The following CBFB variants were observed in gnomAD, a reference collection of about 807,000 sequenced individuals.
CBFB encodes the protein core-binding factor subunit beta.
A neutral mutation model predicts 30.4 loss-of-function variants in CBFB; 9 were observed. The ratio of observed to expected loss-of-function variants is 0.30; its 90% CI spans 0.18 to 0.52. The LOEUF (loss-of-function observed/expected upper bound fraction) is 0.52. Among genes scored for constraint, CBFB ranks in the 20% least tolerant of loss-of-function variants. The pLI is 0.97. For missense variants in CBFB, 170 were observed against 244.0 expected (o/e 0.70, Z 2.02); for synonymous variants, 94 against 84.0 (o/e 1.12, Z -0.65).
intron 5 of CBFB, among the ~76,000 whole-genome samples, chr16:67,097,913 C>G (rs541296148): frequency 6.6e-6 from 1 of 151,932 alleles, no homozygotes; most frequent in Admixed American, 6.6e-5. Context: ...CAGTCCAGCC[C>G]GGGCAACATA....
chr16:67,048,371 C>T (rs749192491), intron 3 of CBFB, among the ~76,000 whole-genome samples: 28 of 152,148 alleles, frequency 1.8e-4, no homozygotes, highest in Non-Finnish European at 3.8e-4. Context: ...AAAGAAAATT[C>T]AGGCAGTTGA....
chr16:67,099,531 G>C lies in CBFB; in HGVS notation c.*753G>C. 1 of 201,816 alleles carries C rather than the reference G, an allele frequency of 5.0e-6. No individual in the cohort carries two copies. The highest frequency in any genetic ancestry group is 1.0e-5 in the Non-Finnish European group (1 of 98,066). 12.5% of individuals were successfully genotyped at this position (201,816 alleles called of 1,614,324 possible). On this transcript the variant is annotated 3_prime_UTR_variant, in exon 6 of 6. Transcript: ENST00000412916. ...AGCCTCCCAGAGTACTGGGATTACA[G>C]GCTCTTTCTTTTTAAACATAAAAGT... is the stretch of plus-strand genomic sequence containing the variant.
chr16:67,094,117 CTTTTTTTTTT>C (rs757109594), intron 5 of CBFB, among the ~76,000 whole-genome samples: 12 of 130,562 alleles, frequency 9.2e-5, no homozygotes, highest in Non-Finnish European at 1.3e-4. Flanking sequence ...CTTCCTCCCT[CTTTTTTTTTT>C]TTTTTTTTTT....
intron 4 of CBFB, among the ~76,000 whole-genome samples, chr16:67,081,466 A>G (rs1285305894): frequency 6.6e-6 from 1 of 151,706 alleles, no homozygotes; most frequent in Non-Finnish European, 1.5e-5. Context: ...TTTTTTTTTA[A>G]TGGTGTTGAT....
chr16:67,064,724 A>G (rs2145748238), intron 3 of CBFB, among the ~76,000 whole-genome samples: 1 of 152,346 alleles, frequency 6.6e-6, no homozygotes, highest in Non-Finnish European at 1.5e-5. Flanking sequence ...GTGATCAAAA[A>G]TGATCTAAAT....
rs774135271 is a variant in CBFB at position 67,100,438 on chromosome 16, G to A, written c.*1660G>A. 2 of 224,912 alleles carry A rather than the reference G, an allele frequency of 8.9e-6. No individual in the cohort carries two copies. The highest frequency in any genetic ancestry group is 2.2e-5 in the African/African-American group (1 of 44,848). The allele number at this position is 224,912 out of a possible 1,614,324, so 13.9% of individuals were successfully genotyped here. ...TTTAAATTGTTACAAACAATAATGC[G>A]TCATTAAAGGCCATGCTGATCTTGC... is the stretch of plus-strand genomic sequence containing the variant. On this transcript the variant is annotated 3_prime_UTR_variant, in exon 6 of 6. Coordinates refer to ENST00000412916, the MANE Select transcript of CBFB (RefSeq NM_022845.3).
chr16:67,045,744 A>G (rs1490641114), intron 3 of CBFB, among the ~76,000 whole-genome samples: 1 of 151,496 alleles, frequency 6.6e-6, no homozygotes, highest in Admixed American at 6.6e-5. Flanking sequence ...CAGAAATAAT[A>G]TGTCTGAGAA....
chr16:67,053,339 C>T (rs796194355), intron 3 of CBFB, among the ~76,000 whole-genome samples: 4 of 149,988 alleles, frequency 2.7e-5, no homozygotes, highest in African/African-American at 9.8e-5. Flanking sequence ...CTGCAAGCTC[C>T]GCCTCCTGGG....
At chr16:67,061,690 ATAT>A (rs1364897684) in intron 3 of CBFB, among the ~76,000 whole-genome samples, 2 of 152,190 alleles carry the variant, frequency 1.3e-5, no homozygotes, top group Non-Finnish European at 2.9e-5. Context: ...GATCATCTAA[ATAT>A]TATTTTTAAT....
chr16:67,082,159 T>C (rs963921786), intron 4 of CBFB, 54 bp from the exon 5 acceptor site: 2 of 1,365,102 alleles, frequency 1.5e-6, no homozygotes, highest in South Asian at 1.5e-5. Context: ...AACCCAAATA[T>C]TGTATTTTTT....
intron 2 of CBFB, among the ~76,000 whole-genome samples, chr16:67,031,597 G>A (rs568653397): frequency 6.6e-6 from 1 of 152,116 alleles, no homozygotes; most frequent in African/African-American, 2.4e-5. Context: ...TGCAACCTTC[G>A]CCTCCTGGGT....
intron 3 of CBFB, among the ~76,000 whole-genome samples, chr16:67,056,721 C>T (rs935691836): frequency 9.3e-5 from 14 of 149,734 alleles, no homozygotes; most frequent in Non-Finnish European, 1.8e-4. Flanking sequence ...CTCGCTCTGT[C>T]ACCAGGTTGG....
intron 4 of CBFB, among the ~76,000 whole-genome samples, chr16:67,074,530 G>A (rs1248969869): frequency 1.3e-5 from 2 of 151,770 alleles, no homozygotes; most frequent in African/African-American, 4.8e-5. Context: ...CTACAGGCAC[G>A]TGCCATCATA....
intron 5 of CBFB, among the ~76,000 whole-genome samples, chr16:67,087,134 G>A (rs1961755149): frequency 6.6e-6 from 1 of 152,048 alleles, no homozygotes; most frequent in African/African-American, 2.4e-5. Context: ...AATGAATATA[G>A]GAATCATTTT....
intron 5 of CBFB, among the ~76,000 whole-genome samples, chr16:67,084,973 T>G (rs1464151059): frequency 6.6e-6 from 1 of 152,224 alleles, no homozygotes; most frequent in Non-Finnish European, 1.5e-5. Flanking sequence ...AATGAGTAAA[T>G]ACATGTGAAA....
At chr16:67,063,930 T>C (rs1960981424) in intron 3 of CBFB, among the ~76,000 whole-genome samples, 1 of 152,204 alleles carries the variant, frequency 6.6e-6, no homozygotes, top group Admixed American at 6.5e-5. Context: ...AGAAACTGTT[T>C]TACAGATTTT....
chr16:67,030,354 G>A (rs983610618), intron 2 of CBFB, among the ~76,000 whole-genome samples: 2 of 152,130 alleles, frequency 1.3e-5, no homozygotes, highest in Non-Finnish European at 2.9e-5. Flanking sequence ...AGCTTCAGGA[G>A]AATCAGAAAG....
At position 67,036,736 on chromosome 16, in the gene CBFB, TAGAAAG is replaced by T. The variant is rs1966445276; in HGVS notation, c.268_273del (p.Arg90_Glu91del). ...ACACCTAGCCGAGAGTATGTCGACTTAGAAAGAGAAGCAGGCAAGGTAGGAAACATT... is the reference window on the plus strand; with the variant it reads ...ACACCTAGCCGAGAGTATGTCGACTTAGAAGCAGGCAAGGTAGGAAACATT... On this transcript the variant is annotated inframe_deletion, in exon 3 of 6. Transcript: ENST00000412916. The T allele has an allele frequency of 6.2e-7, 1 of 1,608,528 alleles. No individual in the cohort carries two copies. The highest frequency in any genetic ancestry group is 2.2e-5 in the East Asian group (1 of 44,852).
Position 67,029,229 on chromosome 16 carries a change from C to T in CBFB, c.-179C>T. On this transcript the variant is annotated 5_prime_UTR_variant, in exon 1 of 6. Coordinates refer to ENST00000412916, the MANE Select transcript of CBFB (RefSeq NM_022845.3). ...GGCGGCGGCGTGGGTTGGGCTCGAG[C>T]GGGCGGCGGCGCCTCAGACTCCCCG... The T allele has an allele frequency of 9.7e-6, 3 of 310,482 alleles. No individual in the cohort carries two copies. Among genetic ancestry groups the T allele is most frequent in the Non-Finnish European group, 1.7e-5 (3 of 177,412 alleles). 19.2% of individuals were successfully genotyped at this position (310,482 alleles called of 1,614,324 possible).
Sources: gnomAD v4.1 joint callset for allele counts (sites outside exome capture counted in the v4.1 genomes callset) on GRCh38, gnomAD v4.1.1 for gene constraint, MANE v1.5 for transcripts, NCBI Gene and HGNC (gene_info 2026-07-23, HGNC 2026-07-21) for gene names.